Variants in TRAPPC8 observed in about 807,000 individuals in gnomAD.
TRAPPC8 encodes trafficking protein particle complex subunit 8.
A neutral mutation model predicts 174.3 loss-of-function variants in TRAPPC8; 54 were observed. That is an observed-to-expected ratio of 0.31 (90% CI 0.25 to 0.39). The LOEUF is 0.39. Ranked by LOEUF, TRAPPC8 falls within the 10% of genes least tolerant of loss-of-function variation. The pLI is 1.00. For missense variants in TRAPPC8, 1,531 were observed against 1,699.1 expected (o/e 0.90, Z 1.74); for synonymous variants, 630 against 579.9 (o/e 1.09, Z -1.24).
chr18:31,922,518 G>A (rs2037434286), intron 2 of TRAPPC8, among the ~76,000 whole-genome samples: 1 of 152,130 alleles, frequency 6.6e-6, no homozygotes, highest in Non-Finnish European at 1.5e-5. Context: ...TTGAACCCAG[G>A]AGGTCAAAGC....
At chr18:31,901,674 G>A (rs1461527005) in intron 9 of TRAPPC8, among the ~76,000 whole-genome samples, 41 of 152,162 alleles carry the variant, frequency 2.7e-4, no homozygotes, top group Non-Finnish European at 2.9e-5. Flanking sequence ...CAAATATAAG[G>A]GCACCACTGG....
chr18:31,906,067 T>C (rs1010134122), intron 9 of TRAPPC8, among the ~76,000 whole-genome samples: 1 of 151,750 alleles, frequency 6.6e-6, no homozygotes, highest in Admixed American at 6.6e-5. Context: ...TCCATTTCTA[T>C]GAAAGGTTTT....
chr18:31,842,845 G>A lies in TRAPPC8; in HGVS notation c.3838-3388C>T, dbSNP rs77008577. Reference sequence around the variant, plus strand: ...TATTCCAAAATCCAAAACACTTTGGGTACCAGCATTTCAGAGAAGGGATAC... The same window carrying A: ...TATTCCAAAATCCAAAACACTTTGGATACCAGCATTTCAGAGAAGGGATAC... On this transcript the variant is annotated intron_variant, in intron 26 of 28. Coordinates refer to ENST00000283351, the MANE Select transcript of TRAPPC8 (RefSeq NM_014939.5). Among the ~76,000 whole-genome samples, 841 of 152,238 alleles carry A rather than the reference G, an allele frequency of 5.5e-3. 5 individuals carry two copies. Among genetic ancestry groups the A allele is most frequent in the African/African-American group, 0.019 (800 of 41,546 alleles).
chr18:31,900,795 T>C, intron 10 of TRAPPC8, 130 bp downstream of exon 10: 2 of 677,348 alleles, frequency 3.0e-6, no homozygotes, highest in Non-Finnish European at 4.7e-6. Context: ...ACACTAACTT[T>C]TTAAAAATCA....
intron 12 of TRAPPC8, among the ~76,000 whole-genome samples, chr18:31,881,902 T>TA (rs1385541003): frequency 2.0e-5 from 3 of 151,968 alleles, no homozygotes; most frequent in Non-Finnish European, 4.4e-5. Flanking sequence ...CACTAATCAT[T>TA]AGAGAAATGT....
chr18:31,830,469 A>C lies in TRAPPC8; in HGVS notation c.*286T>G. ...TGACAAGTTGTAACAGCAGACTTAGACTTTGTGTTTTCTTAAGATGGGGCT... is the reference window on the plus strand; with the variant it reads ...TGACAAGTTGTAACAGCAGACTTAGCCTTTGTGTTTTCTTAAGATGGGGCT... On this transcript the variant is annotated 3_prime_UTR_variant, in exon 29 of 29. Coordinates refer to ENST00000283351, the MANE Select transcript of TRAPPC8 (RefSeq NM_014939.5). 2.8e-6 allele frequency: 1 copy of C among 351,512 alleles called. No individual in the cohort carries two copies. The allele number at this position is 351,512 out of a possible 1,614,324, so 21.8% of individuals were successfully genotyped here.
At chr18:31,924,120 C>G (rs1447169780) in intron 2 of TRAPPC8, among the ~76,000 whole-genome samples, 1 of 151,000 alleles carries the variant, frequency 6.6e-6, no homozygotes, top group African/African-American at 2.4e-5. Flanking sequence ...CTCATCTCTA[C>G]TAAAAATACA....
intron 1 of TRAPPC8, among the ~76,000 whole-genome samples, chr18:31,933,844 G>A (rs540642234): frequency 1.1e-4 from 17 of 151,952 alleles, no homozygotes; most frequent in Non-Finnish European, 2.4e-4. Flanking sequence ...AATACTGTAT[G>A]TGGTACAAAT....
chr18:31,905,983 G>A (rs2036639249), intron 9 of TRAPPC8, among the ~76,000 whole-genome samples: 1 of 152,050 alleles, frequency 6.6e-6, no homozygotes, highest in Admixed American at 6.6e-5. Context: ...TGACTATAAT[G>A]AGCAATCAGA....
chr18:31,937,040 G>A (rs1344992125), intron 1 of TRAPPC8, among the ~76,000 whole-genome samples: 3 of 150,992 alleles, frequency 2.0e-5, no homozygotes, highest in Non-Finnish European at 4.4e-5. Flanking sequence ...GTGAAATCCC[G>A]TCTCTACTAA....
chr18:31,850,586 T>G (rs1002328185), intron 24 of TRAPPC8, among the ~76,000 whole-genome samples: 1 of 152,204 alleles, frequency 6.6e-6, no homozygotes, highest in African/African-American at 2.4e-5. Context: ...CATCTTTATA[T>G]TTATGGTTTC....
At chr18:31,904,591 T>C (rs533676890) in intron 9 of TRAPPC8, among the ~76,000 whole-genome samples, 1 of 152,226 alleles carries the variant, frequency 6.6e-6, no homozygotes, top group South Asian at 2.1e-4. Flanking sequence ...TTTAACCTGA[T>C]AGTTCCATGA....
chr18:31,831,104 G>A (rs995043165), intron 28 of TRAPPC8, 115 bp from the exon 29 acceptor site: 7 of 799,888 alleles, frequency 8.8e-6, no homozygotes, highest in African/African-American at 3.5e-5. Context: ...TGTAATCCCA[G>A]CACTTTGGGA....
intron 2 of TRAPPC8, among the ~76,000 whole-genome samples, chr18:31,930,412 G>A (rs893444966): frequency 6.6e-6 from 1 of 152,090 alleles, no homozygotes; most frequent in African/African-American, 2.4e-5. Context: ...AAGCCACCAC[G>A]CCTGGCTGCT....
At chr18:31,863,320 C>G (rs376399715) in intron 19 of TRAPPC8, among the ~76,000 whole-genome samples, 1 of 151,982 alleles carries the variant, frequency 6.6e-6, no homozygotes, top group African/African-American at 2.4e-5. Context: ...TAGTGTATTG[C>G]GAAATTTAAA....
intron 27 of TRAPPC8, chr18:31,833,140 C>G (rs569875850): frequency 2.0e-5 from 3 of 152,340 alleles, no homozygotes; most frequent in African/African-American, 7.2e-5. Flanking sequence ...ACAAAGACTA[C>G]TGGGTAGGTG....
chr18:31,940,440 T>C (rs2038282463), intron 1 of TRAPPC8, among the ~76,000 whole-genome samples: 1 of 152,182 alleles, frequency 6.6e-6, no homozygotes, highest in African/African-American at 2.4e-5. Flanking sequence ...ACTCCCAGCC[T>C]GGGCAACAGG....
intron 1 of TRAPPC8, among the ~76,000 whole-genome samples, chr18:31,932,880 G>A (rs577352320): frequency 8.6e-5 from 13 of 151,910 alleles, no homozygotes; most frequent in African/African-American, 2.7e-4. Flanking sequence ...TACTGGGGAC[G>A]CTGAGGCAGG....
At chr18:31,927,537 G>A (rs961347715) in intron 2 of TRAPPC8, among the ~76,000 whole-genome samples, 6 of 152,008 alleles carry the variant, frequency 3.9e-5, no homozygotes, top group Non-Finnish European at 5.9e-5. Flanking sequence ...GATTACAGGC[G>A]TGAGCCACCA....
Sources: allele counts gnomAD v4.1 joint callset (sites outside exome capture counted in the v4.1 genomes callset), GRCh38; gene constraint gnomAD v4.1.1; transcripts MANE v1.5; gene names NCBI Gene and HGNC (gene_info 2026-07-23, HGNC 2026-07-21).